LAMA4: variants seen among roughly 807,000 people sequenced by gnomAD.
LAMA4 encodes laminin subunit alpha-4.
Under a neutral mutation model 207.1 loss-of-function variants are expected in LAMA4, and 127 were observed. The ratio of observed to expected loss-of-function variants is 0.61; its 90% CI spans 0.53 to 0.71. The LOEUF (loss-of-function observed/expected upper bound fraction) is 0.71, where lower values mean the gene tolerates loss of function less well. LAMA4 is among the 30% of genes least tolerant of loss of function. LAMA4 has a pLI of 0.00. For synonymous variants in LAMA4, 761 were observed against 816.0 expected (o/e 0.93, Z 1.15); for missense variants, 2,093 against 2,246.5 (o/e 0.93, Z 1.38).
At chr6:112,239,321 CAAAA>C (rs1202967086) in intron 2 of LAMA4, among the ~76,000 whole-genome samples, 1 of 78,238 alleles carries the variant, frequency 1.3e-5, no homozygotes. Flanking sequence ...GACTCCATCT[CAAAA>C]AAAAAAAAAA....
intron 16 of LAMA4, 94 bp downstream of exon 16, chr6:112,154,757 C>A: frequency 1.2e-6 from 1 of 834,840 alleles, no homozygotes; most frequent in Non-Finnish European, 2.1e-6. Context: ...TAATACTATT[C>A]TTTAATCCTA....
intron 38 of LAMA4, among the ~76,000 whole-genome samples, chr6:112,113,829 C>T (rs587660110): frequency 8.5e-4 from 129 of 152,110 alleles, no homozygotes; most frequent in Non-Finnish European, 1.5e-3. Context: ...GTGGCGGGCA[C>T]TTAAAAGGGA....
At chr6:112,138,520 G>A (rs1191833414) in intron 24 of LAMA4, among the ~76,000 whole-genome samples, 1 of 151,918 alleles carries the variant, frequency 6.6e-6, no homozygotes, top group East Asian at 1.9e-4. Context: ...AGTAGATAAA[G>A]TACTATTAAA....
intron 13 of LAMA4, among the ~76,000 whole-genome samples, chr6:112,160,161 G>A (rs1554338002): frequency 6.6e-6 from 1 of 151,946 alleles, no homozygotes; most frequent in Non-Finnish European, 1.5e-5. Context: ...TTCTGGAAAG[G>A]GTCACTATTT....
At chr6:112,146,629 T>C (rs934021091) in intron 18 of LAMA4, among the ~76,000 whole-genome samples, 2 of 152,176 alleles carry the variant, frequency 1.3e-5, no homozygotes, top group Non-Finnish European at 2.9e-5. Flanking sequence ...CCATGGTCAT[T>C]AAGCATTAGT....
chr6:112,206,708 T>C lies in LAMA4; in HGVS notation c.422+313A>G, dbSNP rs77759681. 0.055 allele frequency among the ~76,000 whole-genome samples: 8,302 copies of C among 152,206 alleles called. 708 individuals are homozygous for C. The highest frequency in any genetic ancestry group is 0.19 in the African/African-American group (7,762 of 41,436). ...GTCTGTTGGGATTACCAGTTGTGATTGCTCTAGGTCAAGAGAAAGTCAAGA... is the reference window on the plus strand; with the variant it reads ...GTCTGTTGGGATTACCAGTTGTGATCGCTCTAGGTCAAGAGAAAGTCAAGA... On this transcript the variant is annotated intron_variant, in intron 4 of 38. Transcript: ENST00000230538.
In LAMA4 at chr6:112,254,185, C is replaced by A. The variant is rs1554190620; in HGVS notation, c.-35G>T. ...GACATCCAGTAGTGCTCTTCCAGGGCTCGGGCGCTGTGGGTCTCCGTAGGT... is the reference window on the plus strand; with the variant it reads ...GACATCCAGTAGTGCTCTTCCAGGGATCGGGCGCTGTGGGTCTCCGTAGGT... On this transcript the variant is annotated 5_prime_UTR_variant, in exon 2 of 39. Transcript: ENST00000230538. 1.2e-6 allele frequency: 2 copies of A among 1,611,404 alleles called. No individual in the cohort carries two copies. Among genetic ancestry groups the A allele is most frequent in the Non-Finnish European group, 1.7e-6 (2 of 1,179,772 alleles).
chr6:112,157,093 A>G (rs1554337196), intron 14 of LAMA4, among the ~76,000 whole-genome samples: 2 of 152,182 alleles, frequency 1.3e-5, no homozygotes, highest in African/African-American at 4.8e-5. Flanking sequence ...TGCTCTACAG[A>G]GGGGAGTCTA....
chr6:112,243,882 A>G (rs62414019), intron 2 of LAMA4, among the ~76,000 whole-genome samples: 41,536 of 151,824 alleles, frequency 0.27, 6,669 homozygotes, highest in Non-Finnish European at 0.37. Flanking sequence ...ACATGGTGAA[A>G]CCCTGTCTCT....
chr6:112,199,443 TAAC>T (rs781350628), intron 5 of LAMA4, among the ~76,000 whole-genome samples: 37 of 152,256 alleles, frequency 2.4e-4, no homozygotes, highest in Admixed American at 5.2e-4. Flanking sequence ...CCTGGCTGAT[TAAC>T]AACCGCCACA....
intron 36 of LAMA4, 21 bp from the exon 37 acceptor site, chr6:112,114,777 T>TGTATGATTTA (rs781900226): frequency 6.6e-7 from 1 of 1,517,210 alleles, no homozygotes; most frequent in Non-Finnish European, 9.2e-7. Flanking sequence ...TAGGACACAT[T>TGTATGATTTA]GTATGATTTA....
chr6:112,190,926 TCTTTCTTTCTTTCTTTCTTTC>T (rs1562714296), intron 6 of LAMA4, among the ~76,000 whole-genome samples: 86 of 93,668 alleles, frequency 9.2e-4, no homozygotes, highest in Non-Finnish European at 1.3e-3. Context: ...TTTCTTTCTT[TCTTTCTTTCTTTCTTTCTTTC>T]CTTTCTTTCT....
At chr6:112,170,896 A>G (rs1781669972) in intron 12 of LAMA4, among the ~76,000 whole-genome samples, 1 of 152,214 alleles carries the variant, frequency 6.6e-6, no homozygotes, top group Non-Finnish European at 1.5e-5. Flanking sequence ...AGATGAGTAG[A>G]AAAGAAAAAG....
chr6:112,180,165 C>T (rs1782269207), intron 9 of LAMA4, among the ~76,000 whole-genome samples: 1 of 152,088 alleles, frequency 6.6e-6, no homozygotes, highest in Non-Finnish European at 1.5e-5. Context: ...CAGAGTAAAG[C>T]TCTATTGTTA....
chr6:112,219,580 G>C (rs1464392024), intron 2 of LAMA4: 2 of 152,144 alleles, frequency 1.3e-5, no homozygotes, highest in African/African-American at 4.8e-5. Flanking sequence ...CAAGGATAAT[G>C]ATGATGATAA....
At chr6:112,113,104 A>G (rs192224190) in intron 38 of LAMA4, among the ~76,000 whole-genome samples, 7 of 152,354 alleles carry the variant, frequency 4.6e-5, no homozygotes, top group African/African-American at 9.6e-5. Context: ...AGAATTTCAT[A>G]GTACAATAGG....
intron 13 of LAMA4, chr6:112,162,018 T>C (rs907701138): frequency 3.3e-5 from 5 of 152,326 alleles, no homozygotes; most frequent in Non-Finnish European, 7.3e-5. Flanking sequence ...ATGTTGGTTA[T>C]GTTTTTAAAG....
At chr6:112,132,636 C>T (rs1365674949) in intron 28 of LAMA4, 117 bp downstream of exon 28, 24 of 934,614 alleles carry the variant, frequency 2.6e-5, no homozygotes, top group Admixed American at 2.1e-4. Context: ...TGTGTGTCTA[C>T]GTGTGAGTCA....
At chr6:112,189,235 A>G in intron 6 of LAMA4, 30 bp from the exon 7 acceptor site, 9 of 1,497,440 alleles carry the variant, frequency 6.0e-6, no homozygotes, top group Non-Finnish European at 8.4e-6. Flanking sequence ...GAGACGAGAA[A>G]TGCACTTCTT....
Sources: gnomAD v4.1 joint callset for allele counts (sites outside exome capture counted in the v4.1 genomes callset) on GRCh38, gnomAD v4.1.1 for gene constraint, MANE v1.5 for transcripts, NCBI Gene and HGNC (gene_info 2026-07-23, HGNC 2026-07-21) for gene names.